The following ACACA variants were observed in gnomAD, a reference collection of about 807,000 sequenced individuals.
ACACA encodes acetyl-CoA carboxylase 1.
Under a neutral mutation model 296.1 loss-of-function variants are expected in ACACA, and 103 were observed. The observed-to-expected ratio is 0.35, with a 90% CI of 0.30 to 0.41. ACACA has a LOEUF of 0.41. ACACA is among the 10% of genes least tolerant of loss of function. The pLI is 1.00. For synonymous variants in ACACA, 953 were observed against 1,038.6 expected, an observed-to-expected ratio of 0.92 and a Z score of 1.58; for missense variants, 1,554 against 2,989.7, an observed-to-expected ratio of 0.52 and a Z score of 11.20.
chr17:37,128,493 A>G (rs138398751), intron 47 of ACACA, among the ~76,000 whole-genome samples: 1 of 152,348 alleles, frequency 6.6e-6, no homozygotes, highest in African/African-American at 2.4e-5. Flanking sequence ...ACTTTTATAT[A>G]TAGCCTTTCT....
intron 54 of ACACA, among the ~76,000 whole-genome samples, chr17:37,092,832 C>G (rs1023379508): frequency 2.6e-5 from 4 of 152,164 alleles, no homozygotes; most frequent in Non-Finnish European, 4.4e-5. Context: ...CATACAAATC[C>G]TAAGGTACAC....
chr17:37,106,121 G>T (rs1051371907), intron 52 of ACACA, among the ~76,000 whole-genome samples: 1 of 150,508 alleles, frequency 6.6e-6, no homozygotes, highest in African/African-American at 2.5e-5. Context: ...TATGTTGAAA[G>T]AAATTTTTCT....
At chr17:37,146,674 G>C (rs1186204750) in intron 45 of ACACA, among the ~76,000 whole-genome samples, 1 of 138,008 alleles carries the variant, frequency 7.2e-6, no homozygotes, top group Non-Finnish European at 1.6e-5. Flanking sequence ...GGGGAAGGGG[G>C]GGGCAGAGGA....
At chr17:37,393,913 T>G (rs1205769985) in intron 1 of ACACA, among the ~76,000 whole-genome samples, 1 of 152,186 alleles carries the variant, frequency 6.6e-6, no homozygotes, top group Non-Finnish European at 1.5e-5. Context: ...TGGGGACAAT[T>G]TGTTTCCCCT....
intron 42 of ACACA, 57 bp downstream of exon 42, chr17:37,161,724 C>T (rs778510945): frequency 6.3e-7 from 1 of 1,590,448 alleles, no homozygotes; most frequent in Non-Finnish European, 8.5e-7. Flanking sequence ...CCCACCTCTC[C>T]ACACATGTAG....
intron 10 of ACACA, among the ~76,000 whole-genome samples, chr17:37,265,835 C>T (rs964872068): frequency 6.6e-6 from 1 of 152,150 alleles, no homozygotes; most frequent in Non-Finnish European, 1.5e-5. Context: ...TCTGAGAAAT[C>T]CCTCTTTTTA....
At chr17:37,381,663 C>G (rs138041168) in intron 1 of ACACA, among the ~76,000 whole-genome samples, 1 of 142,936 alleles carries the variant, frequency 7.0e-6, no homozygotes, top group Non-Finnish European at 1.5e-5. Flanking sequence ...AGTCTCGCTC[C>G]GTTGCCCAGG....
chr17:37,194,704 T>C (rs938893381), intron 35 of ACACA, among the ~76,000 whole-genome samples: 48 of 152,328 alleles, frequency 3.2e-4, no homozygotes, highest in African/African-American at 1.1e-3. Context: ...GAAAATTTCT[T>C]GAATACGTTC....
intron 42 of ACACA, 104 bp downstream of exon 42, chr17:37,161,677 T>C: frequency 1.5e-6 from 2 of 1,367,698 alleles, no homozygotes; most frequent in Non-Finnish European, 2.0e-6. Context: ...ATTTTTACCA[T>C]AAGTGGTGAT....
At chr17:37,287,000 T>C (rs1375138002) in intron 3 of ACACA, among the ~76,000 whole-genome samples, 1 of 152,246 alleles carries the variant, frequency 6.6e-6, no homozygotes, top group Non-Finnish European at 1.5e-5. Flanking sequence ...ATTCTCGCTA[T>C]TGAATGTTCT....
At chr17:37,127,401 T>G (rs2074840504) in intron 47 of ACACA, among the ~76,000 whole-genome samples, 1 of 152,210 alleles carries the variant, frequency 6.6e-6, no homozygotes, top group Admixed American at 6.5e-5. Context: ...CTATTGTAGT[T>G]GTGCTTCACA....
chr17:37,274,531 G>A (rs1448979240), intron 8 of ACACA: 3 of 836,242 alleles, frequency 3.6e-6, no homozygotes, highest in Non-Finnish European at 4.3e-6. Flanking sequence ...CTAACAGGGA[G>A]CAACTTATAA....
At chr17:37,171,222 AG>A (rs1817764066) in intron 41 of ACACA, among the ~76,000 whole-genome samples, 1 of 152,196 alleles carries the variant, frequency 6.6e-6, no homozygotes, top group South Asian at 2.1e-4. Flanking sequence ...TGCTAATGCC[AG>A]GAAGATGACT....
At chr17:37,344,165 A>G (rs1361130263) in intron 1 of ACACA, among the ~76,000 whole-genome samples, 1 of 152,112 alleles carries the variant, frequency 6.6e-6, no homozygotes, top group East Asian at 1.9e-4. Context: ...GTGGTGGTTC[A>G]CACCTGTAAT....
intron 14 of ACACA, among the ~76,000 whole-genome samples, chr17:37,254,041 G>A (rs932931303): frequency 6.6e-6 from 1 of 152,144 alleles, no homozygotes; most frequent in Admixed American, 6.5e-5. Flanking sequence ...TTTATGCCCA[G>A]TGTCTATCCT....
chr17:37,357,656 G>A (rs2049204640), intron 1 of ACACA, among the ~76,000 whole-genome samples: 1 of 152,166 alleles, frequency 6.6e-6, no homozygotes, highest in South Asian at 2.1e-4. Context: ...CAGTTTTACT[G>A]AGAAATGAAG....
At chr17:37,289,327 A>C in intron 3 of ACACA, 1 of 604,972 alleles carries the variant, frequency 1.7e-6, no homozygotes, top group Non-Finnish European at 2.5e-6. Flanking sequence ...TCTGGCTGTA[A>C]ATTATTCCTC....
At chr17:37,217,765 C>A (rs59670291) in intron 29 of ACACA, among the ~76,000 whole-genome samples, 32,567 of 75,368 alleles carry the variant, frequency 0.43, 5,188 homozygotes, top group African/African-American at 0.54. Flanking sequence ...AAAAAAAAAA[C>A]AACCTGTTTT....
chr17:37,142,733 T>C (rs2075643923), intron 45 of ACACA, among the ~76,000 whole-genome samples: 1 of 152,222 alleles, frequency 6.6e-6, no homozygotes, highest in Non-Finnish European at 1.5e-5. Context: ...CTGACATATA[T>C]ACTACCCTGT....
Sources: gnomAD v4.1 joint callset for allele counts (sites outside exome capture counted in the v4.1 genomes callset) on GRCh38, gnomAD v4.1.1 for gene constraint, MANE v1.5 for transcripts, NCBI Gene and HGNC (gene_info 2026-07-23, HGNC 2026-07-21) for gene names.